The following MED4 variants were observed in gnomAD, a reference collection of about 807,000 sequenced individuals.
MED4 encodes mediator complex subunit 4, also known as mediator of RNA polymerase II transcription subunit 4.
MED4 carries 21 observed loss-of-function variants against 35.0 expected under a neutral mutation model. The observed-to-expected ratio is 0.60, with a 90% CI of 0.43 to 0.86. The LOEUF is 0.86. Ranked by LOEUF, MED4 falls within the 40% of genes least tolerant of loss-of-function variation. The pLI, the probability that MED4 is intolerant of heterozygous loss-of-function variation, is 0.00. For synonymous variants in MED4, 138 were observed against 114.0 expected, an observed-to-expected ratio of 1.21 and a Z score of -1.34; for missense variants, 300 against 319.4, an observed-to-expected ratio of 0.94 and a Z score of 0.46.
intron 4 of MED4, among the ~76,000 whole-genome samples, chr13:48,082,590 G>C (rs1950817492): frequency 6.6e-6 from 1 of 152,186 alleles, no homozygotes; most frequent in Non-Finnish European, 1.5e-5. Context: ...CACTTTGGGA[G>C]GCCGAGGTGG....
chr13:48,088,762 G>C (rs1227889773), intron 2 of MED4, among the ~76,000 whole-genome samples: 1 of 152,172 alleles, frequency 6.6e-6, no homozygotes. Context: ...TATTCTCACA[G>C]GAGGTTGAAC....
chr13:48,087,280 G>T (rs866667362), intron 2 of MED4, among the ~76,000 whole-genome samples: 1 of 151,934 alleles, frequency 6.6e-6, no homozygotes, highest in Non-Finnish European at 1.5e-5. Flanking sequence ...AAGGAGAATC[G>T]CTTGAACCCG....
chr13:48,077,308 A>T lies in MED4; in HGVS notation c.644T>A (p.Val215Asp). 3.4e-6 allele frequency: 5 copies of T among 1,469,282 alleles called. No individual in the cohort carries two copies. The highest frequency in any genetic ancestry group is 4.5e-6 in the Non-Finnish European group (5 of 1,113,092). 91.0% of individuals were successfully genotyped at this position (1,469,282 alleles called of 1,614,324 possible). A position where few individuals can be genotyped will look rare whatever the true frequency, so the allele number is the denominator to read the frequency against. Residue 215 changes from valine to aspartate, a missense_variant, in exon 7 of 7, where the codon GTC becomes GAC. Transcript: ENST00000258648. The stretch of plus-strand genomic sequence containing the variant: ...CTGCCATGGATACTGTGGAGCAAGG[A>T]CATCTGGAGAAAAAAAGAAGCATAG... ...DALAAGRLPD[V>D]LAPQYPWQSN...
intron 3 of MED4, among the ~76,000 whole-genome samples, chr13:48,085,954 A>AAAAAGAG (rs1950845474): frequency 1.3e-5 from 2 of 152,094 alleles, no homozygotes; most frequent in South Asian, 4.1e-4. Flanking sequence ...ACCAAAAAAA[A>AAAAAGAG]AAAAAGAGAG....
At chr13:48,083,282 A>G in intron 4 of MED4, 89 bp downstream of exon 4, 1 of 1,008,410 alleles carries the variant, frequency 9.9e-7, no homozygotes, top group Non-Finnish European at 1.5e-6. Context: ...CAACAGCAGC[A>G]AATGATTATC....
chr13:48,085,838 A>T (rs1445397068), intron 3 of MED4, among the ~76,000 whole-genome samples: 1 of 152,274 alleles, frequency 6.6e-6, no homozygotes. Flanking sequence ...GAATGACTAA[A>T]TTAATGTCAA....
In MED4 at chr13:48,081,622, TATA is replaced by T. The variant is rs1950808712; in HGVS notation, c.508+20_508+22del. On this transcript the variant is annotated intron_variant, in intron 5 of 6. Transcript: ENST00000258648. ...AATCTTCAAAACCACATATATCTAG[TATA>T]ATAAGACGAGTATGTTTACCTGGAA... 6 of 1,555,024 alleles carry T rather than the reference TATA, an allele frequency of 3.9e-6. No individual in the cohort carries two copies. The highest frequency in any genetic ancestry group is 4.4e-6 in the Non-Finnish European group (5 of 1,133,156).
chr13:48,085,034 A>T (rs1950839186), intron 3 of MED4, among the ~76,000 whole-genome samples: 1 of 150,502 alleles, frequency 6.6e-6, no homozygotes, highest in African/African-American at 2.5e-5. Flanking sequence ...GCCCAGCTAA[A>T]TTTTTTTGTA....
intron 5 of MED4, among the ~76,000 whole-genome samples, chr13:48,080,544 A>G (rs1668559756): frequency 6.6e-6 from 1 of 152,058 alleles, no homozygotes; most frequent in South Asian, 2.1e-4. Flanking sequence ...CACTTTAAAA[A>G]AAAAGAGATG....
In MED4 at chr13:48,075,838, C is replaced by T. The variant is rs551240559; in HGVS notation, c.*1301G>A. Reference sequence around the variant, plus strand: ...TGTGTTAGTCCATTCCTAAAAATAACCCTGGAGGGAAAGACATTCAAACAT... The same window carrying T: ...TGTGTTAGTCCATTCCTAAAAATAATCCTGGAGGGAAAGACATTCAAACAT... On this transcript the variant is annotated 3_prime_UTR_variant, in exon 7 of 7. Coordinates refer to ENST00000258648, the MANE Select transcript of MED4 (RefSeq NM_014166.4). The T allele has an allele frequency of 8.1e-4, 124 of 152,248 alleles. No homozygotes were observed. Among genetic ancestry groups the T allele is most frequent in the African/African-American group, 2.9e-3 (120 of 41,524 alleles). The allele number at this position is 152,248 out of a possible 1,614,324, so 9.4% of individuals were successfully genotyped here.
intron 5 of MED4, among the ~76,000 whole-genome samples, chr13:48,080,967 T>C (rs1030470882): frequency 6.6e-6 from 1 of 152,216 alleles, no homozygotes; most frequent in African/African-American, 2.4e-5. Context: ...TTGGATTGAC[T>C]TTTTGGGCAC....
chr13:48,077,115 C>A lies in MED4; in HGVS notation c.*24G>T. Reference sequence around the variant, plus strand: ...AAACAGAATTCTACAGTATTCAATTCTGTATATTGTCTTTTAAGGTTTTTC... The same window carrying A: ...AAACAGAATTCTACAGTATTCAATTATGTATATTGTCTTTTAAGGTTTTTC... On this transcript the variant is annotated 3_prime_UTR_variant, in exon 7 of 7. Coordinates refer to ENST00000258648, the MANE Select transcript of MED4 (RefSeq NM_014166.4). The A allele has an allele frequency of 1.9e-6, 3 of 1,569,762 alleles. No individual in the cohort carries two copies. The highest frequency in any genetic ancestry group is 2.6e-6 in the Non-Finnish European group (3 of 1,158,290).
intron 5 of MED4, among the ~76,000 whole-genome samples, chr13:48,081,346 T>C (rs1051952674): frequency 6.6e-6 from 1 of 152,222 alleles, no homozygotes; most frequent in African/African-American, 2.4e-5. Flanking sequence ...CCTGATAAAA[T>C]GGTATATAAA....
In MED4 at chr13:48,083,390, T is replaced by A. The variant is rs61752712; in HGVS notation, c.402A>T (p.Ser134=). The A allele has an allele frequency of 1.8e-5, 29 of 1,613,182 alleles. 1 individual carries two copies. In the Middle Eastern group the frequency reaches 1.3e-3, roughly 73 times the overall value. Residue 134 remains serine (S), a synonymous_variant, in exon 4 of 7, where the codon TCA becomes TCT. Transcript: ENST00000258648. The part of the protein sequence containing the change: ...AVYQAKEKLK[S]IEKARKGAIS... ...ACTAACCTTTTCTTGCTTTTTCTATTGACTTGAGTTTCTCCTTCGCTTGGT... is the reference window on the plus strand; with the variant it reads ...ACTAACCTTTTCTTGCTTTTTCTATAGACTTGAGTTTCTCCTTCGCTTGGT...
intron 2 of MED4, among the ~76,000 whole-genome samples, chr13:48,086,666 TACAAA>T (rs1250739140): frequency 6.6e-6 from 1 of 152,196 alleles, no homozygotes; most frequent in Non-Finnish European, 1.5e-5. Flanking sequence ...TATTCTTTCA[TACAAA>T]ACAAAATAAA....
rs1024186183 is a variant in MED4 at position 48,076,953 on chromosome 13, C to T, written c.*186G>A. On this transcript the variant is annotated 3_prime_UTR_variant, in exon 7 of 7. Transcript: ENST00000258648. Reference sequence around the variant, plus strand: ...TAAATATCTACCTAGTGGCTTAAAACTAAAACTATGGTCTTTGGCTTTAAA... The same window carrying T: ...TAAATATCTACCTAGTGGCTTAAAATTAAAACTATGGTCTTTGGCTTTAAA... 2.0e-6 allele frequency: 1 copy of T among 493,134 alleles called. No individual in the cohort carries two copies. The highest frequency in any genetic ancestry group is 3.5e-6 in the Non-Finnish European group (1 of 287,022). 30.5% of individuals were successfully genotyped at this position (493,134 alleles called of 1,614,324 possible). A position where few individuals can be genotyped will look rare whatever the true frequency, so the allele number is the denominator to read the frequency against.
At chr13:48,079,727 A>C in intron 6 of MED4, 117 bp downstream of exon 6, 2 of 1,234,234 alleles carry the variant, frequency 1.6e-6, no homozygotes, top group Non-Finnish European at 2.2e-6. Context: ...TCTCAAATTT[A>C]CAAAAAAAAA....
chr13:48,089,927 T>G (rs1176058381), intron 2 of MED4, among the ~76,000 whole-genome samples: 2 of 152,098 alleles, frequency 1.3e-5, no homozygotes, highest in Non-Finnish European at 2.9e-5. Flanking sequence ...CTAATAAGAG[T>G]TGTATGCTCT....
chr13:48,092,702 C>A (rs1160856685), intron 1 of MED4, among the ~76,000 whole-genome samples: 2 of 152,112 alleles, frequency 1.3e-5, no homozygotes, highest in African/African-American at 2.4e-5. Flanking sequence ...GGATCAACAG[C>A]GTATGAAAAC....
Sources: allele counts gnomAD v4.1 joint callset (sites outside exome capture counted in the v4.1 genomes callset), GRCh38; gene constraint gnomAD v4.1.1; transcripts MANE v1.5; gene names NCBI Gene and HGNC (gene_info 2026-07-23, HGNC 2026-07-21).